The following ELAPOR2 variants were observed in gnomAD, a reference collection of about 807,000 sequenced individuals.
ELAPOR2 encodes endosome-lysosome associated apoptosis and autophagy regulator family member 2.
ELAPOR2 carries 89 observed loss-of-function variants against 120.7 expected under a neutral mutation model. The observed-to-expected ratio is 0.74, with a 90% confidence interval of 0.62 to 0.88. The LOEUF is 0.88. Ranked by LOEUF, ELAPOR2 falls within the 40% of genes least tolerant of loss-of-function variation. ELAPOR2 has a pLI of 0.00. For missense variants in ELAPOR2, 1,134 were observed against 1,251.6 expected (o/e 0.91, Z 1.42); for synonymous variants, 444 against 444.9 (o/e 1.00, Z 0.03).
Position 86,914,788 on chromosome 7 carries a change from T to C in ELAPOR2, c.1666A>G (p.Ile556Val), listed in dbSNP as rs183867413. The C allele has an allele frequency of 1.9e-5, 31 of 1,612,874 alleles. No homozygotes were observed. The East Asian group carries it at 6.0e-4, about 31-fold the overall frequency. ...GTAAAAGTTGCATTCTTGAAGATGATATGGGTGTAAGCTTGTTTTTCTTTG... is the reference window on the plus strand; with the variant it reads ...GTAAAAGTTGCATTCTTGAAGATGACATGGGTGTAAGCTTGTTTTTCTTTG... ...GTKEKQAYTH[I>V]IFKNATFTFT... The change falls in exon 13 of 22, where the codon ATC becomes GTC. Residue 556 changes from isoleucine to valine, a missense_variant. By Grantham distance (29) the Ile-to-Val change is conservative. Transcript: ENST00000450689.
At chr7:87,016,187 G>C (rs138546391) in intron 1 of ELAPOR2, among the ~76,000 whole-genome samples, 1 of 152,104 alleles carries the variant, frequency 6.6e-6, no homozygotes, top group Non-Finnish European at 1.5e-5. Flanking sequence ...TGTTCTGTAT[G>C]TTAGTGTTTA....
intron 19 of ELAPOR2, among the ~76,000 whole-genome samples, chr7:86,896,409 A>G (rs1788439628): frequency 1.3e-5 from 2 of 152,054 alleles, no homozygotes; most frequent in Admixed American, 1.3e-4. Flanking sequence ...CCTAGGGGTG[A>G]GGTGAACACA....
chr7:86,981,840 C>T (rs1792502715), intron 1 of ELAPOR2, among the ~76,000 whole-genome samples: 1 of 152,160 alleles, frequency 6.6e-6, no homozygotes, highest in South Asian at 2.1e-4. Context: ...GAGGGTGAGC[C>T]AAAACAGAGT....
intron 1 of ELAPOR2, among the ~76,000 whole-genome samples, chr7:86,982,616 A>G (rs1297946490): frequency 6.6e-6 from 1 of 152,264 alleles, no homozygotes; most frequent in Non-Finnish European, 1.5e-5. Context: ...AGGAAAACTA[A>G]CAAACAAAAA....
In ELAPOR2 at chr7:86,968,566, C is replaced by G. The variant is rs1042712187; in HGVS notation, c.190-3542G>C. Reference sequence around the variant, plus strand: ...AATCATTTGTATTATTATCAGTTACCTACAACTCAGCATTCTAAAACAGTC... The same window carrying G: ...AATCATTTGTATTATTATCAGTTACGTACAACTCAGCATTCTAAAACAGTC... On this transcript the variant is annotated intron_variant, in intron 1 of 21. Transcript: ENST00000450689. Among the ~76,000 whole-genome samples, 23 of 152,266 alleles carry G rather than the reference C, an allele frequency of 1.5e-4. 1 individual carries two copies. Among genetic ancestry groups the G allele is most frequent in the Middle Eastern group, 3.4e-3 (1 of 294 alleles).
rs1403678460 is a variant in ELAPOR2, at chr7:86,908,218, A to G, written c.2456+229T>C. ...TTATACAAGGCTTTCAAAATATTCC[A>G]TGTTTCCTACTTTTTACTATCCTTC... On this transcript the variant is annotated intron_variant, in intron 17 of 21. Transcript: ENST00000450689. 4.0e-5 allele frequency among the ~76,000 whole-genome samples: 6 copies of G among 151,562 alleles called. No homozygotes were observed. The South Asian group carries it at 1.0e-3, about 26-fold the overall frequency.
chr7:86,993,832 A>G (rs552587051), intron 1 of ELAPOR2, among the ~76,000 whole-genome samples: 331 of 152,326 alleles, frequency 2.2e-3, no homozygotes, highest in Non-Finnish European at 4.0e-3. Flanking sequence ...TCACAAGTTC[A>G]TGTGTTCCCT....
chr7:86,947,010 T>C (rs1437428038), intron 3 of ELAPOR2, among the ~76,000 whole-genome samples: 1 of 152,138 alleles, frequency 6.6e-6, no homozygotes, highest in Non-Finnish European at 1.5e-5. Context: ...AGGGAATGAA[T>C]ATGCCTTTCA....
intron 1 of ELAPOR2, among the ~76,000 whole-genome samples, chr7:87,041,304 A>G (rs1403521596): frequency 6.6e-6 from 1 of 152,086 alleles, no homozygotes; most frequent in Non-Finnish European, 1.5e-5. Flanking sequence ...TCCAAGACAC[A>G]TAATTGTCAG....
chr7:87,042,714 A>G (rs1180420698), intron 1 of ELAPOR2, among the ~76,000 whole-genome samples: 3 of 152,148 alleles, frequency 2.0e-5, no homozygotes, highest in African/African-American at 7.2e-5. Flanking sequence ...GAAAAGCAAG[A>G]GCAAACACAT....
At chr7:87,034,418 T>G (rs1032213588) in intron 1 of ELAPOR2, among the ~76,000 whole-genome samples, 4 of 152,112 alleles carry the variant, frequency 2.6e-5, no homozygotes, top group Admixed American at 6.6e-5. Context: ...ATGGGTGTTT[T>G]TATTGCTGCA....
At chr7:87,028,334 C>T (rs976448605) in intron 1 of ELAPOR2, among the ~76,000 whole-genome samples, 1 of 152,100 alleles carries the variant, frequency 6.6e-6, no homozygotes, top group Non-Finnish European at 1.5e-5. Flanking sequence ...CTAGATCTAA[C>T]AACTGTGTTT....
chr7:86,974,419 G>A (rs1167071224), intron 1 of ELAPOR2, among the ~76,000 whole-genome samples: 4 of 152,062 alleles, frequency 2.6e-5, no homozygotes, highest in Admixed American at 2.6e-4. Flanking sequence ...CAATTTAACT[G>A]TGAAACAATA....
intron 1 of ELAPOR2, among the ~76,000 whole-genome samples, chr7:87,013,319 C>T (rs530304806): frequency 6.6e-6 from 1 of 151,952 alleles, no homozygotes; most frequent in Non-Finnish European, 1.5e-5. Flanking sequence ...TAACAAATAC[C>T]CTAAAATCAG....
intron 2 of ELAPOR2, among the ~76,000 whole-genome samples, chr7:86,949,400 C>T (rs1211907227): frequency 6.6e-6 from 1 of 152,188 alleles, no homozygotes; most frequent in Non-Finnish European, 1.5e-5. Context: ...GCCATGAAGC[C>T]GGCTACTGTG....
chr7:86,906,425 G>A (rs1257792076), intron 18 of ELAPOR2, among the ~76,000 whole-genome samples: 8 of 152,178 alleles, frequency 5.3e-5, no homozygotes, highest in East Asian at 3.9e-4. Flanking sequence ...GTGGAAACAC[G>A]CAGTTGGTGA....
At chr7:86,897,774 A>G in intron 18 of ELAPOR2, 142 bp from the exon 19 acceptor site, 4 of 850,484 alleles carry the variant, frequency 4.7e-6, no homozygotes, top group Non-Finnish European at 7.2e-6. Flanking sequence ...AAAAAGTCTA[A>G]AAGACACAAA....
chr7:87,025,081 A>C (rs905337193), intron 1 of ELAPOR2, among the ~76,000 whole-genome samples: 2 of 151,926 alleles, frequency 1.3e-5, no homozygotes, highest in African/African-American at 4.8e-5. Context: ...AGTCAGAATT[A>C]TAGAAGGCTA....
At chr7:86,931,601 T>C (rs1238444636) in intron 8 of ELAPOR2, among the ~76,000 whole-genome samples, 1 of 151,894 alleles carries the variant, frequency 6.6e-6, no homozygotes, top group Non-Finnish European at 1.5e-5. Context: ...ACTCATTCAT[T>C]TACTAAGTCT....
Sources: allele counts gnomAD v4.1 joint callset (sites outside exome capture counted in the v4.1 genomes callset), GRCh38; gene constraint gnomAD v4.1.1; transcripts MANE v1.5; gene names NCBI Gene and HGNC (gene_info 2026-07-23, HGNC 2026-07-21).